Variants in RSRC1 observed in about 807,000 individuals in gnomAD.
RSRC1 encodes the protein serine/Arginine-related protein 53.
In RSRC1, 39 loss-of-function variants were observed where a neutral mutation model predicts 49.1. That is an observed-to-expected ratio of 0.79 (90% confidence interval 0.61 to 1.04). The LOEUF is 1.04. RSRC1 is among the 50% of genes least tolerant of loss of function. RSRC1 has a pLI of 0.00. For missense variants in RSRC1, 388 were observed against 402.4 expected (o/e 0.96, Z 0.31); for synonymous variants, 143 against 130.8 (o/e 1.09, Z -0.63).
intron 4 of RSRC1, among the ~76,000 whole-genome samples, chr3:158,257,172 C>T (rs191126636): frequency 1.7e-4 from 26 of 152,078 alleles, no homozygotes; most frequent in African/African-American, 4.8e-4. Context: ...GTTAGGGTGT[C>T]GATTTTAGAC....
chr3:158,147,211 G>A (rs1201796915), intron 3 of RSRC1, among the ~76,000 whole-genome samples: 1 of 138,088 alleles, frequency 7.2e-6, no homozygotes, highest in Non-Finnish European at 1.5e-5. Flanking sequence ...CCGCTAAAAG[G>A]AAATTTTCTT....
intron 5 of RSRC1, among the ~76,000 whole-genome samples, chr3:158,339,598 G>A (rs1730117897): frequency 6.6e-6 from 1 of 152,146 alleles, no homozygotes; most frequent in African/African-American, 2.4e-5. Flanking sequence ...TCCTTCCTAA[G>A]AGATAGATTT....
intron 3 of RSRC1, among the ~76,000 whole-genome samples, chr3:158,140,933 A>G (rs1333154836): frequency 6.6e-6 from 1 of 152,216 alleles, no homozygotes; most frequent in Non-Finnish European, 1.5e-5. Context: ...AGCTTGAGGA[A>G]TATTGACTAT....
In RSRC1 at chr3:158,265,487, C is replaced by T. The variant is rs536927035; in HGVS notation, c.495-32552C>T. Among the ~76,000 whole-genome samples, 18 of 152,024 alleles carry T rather than the reference C, an allele frequency of 1.2e-4. No homozygotes were observed. In the East Asian group the frequency reaches 1.9e-3, roughly 16 times the overall value. ...CTCTACTAAAAATACAAAAATTAGC[C>T]GGGCGTGGTAACGGACACCTGTAAT... On this transcript the variant is annotated intron_variant, in intron 4 of 9. Coordinates refer to ENST00000611884, the MANE Select transcript of RSRC1 (RefSeq NM_001271838.2).
At chr3:158,274,342 GTTTC>G (rs904300745) in intron 4 of RSRC1, among the ~76,000 whole-genome samples, 3 of 148,280 alleles carry the variant, frequency 2.0e-5, no homozygotes, top group Non-Finnish European at 4.5e-5. Context: ...GTACTGGAAT[GTTTC>G]TTTCTGATTT....
rs1715311631 is a variant in RSRC1 at position 158,122,310 on chromosome 3, A to G, written c.194+12A>G. The G allele has an allele frequency of 1.3e-6, 2 of 1,522,822 alleles. No individual in the cohort carries two copies. Among genetic ancestry groups the G allele is most frequent in the Non-Finnish European group, 1.8e-6 (2 of 1,130,224 alleles). 94.3% of individuals were successfully genotyped at this position (1,522,822 alleles called of 1,614,324 possible). On this transcript the variant is annotated intron_variant, in intron 2 of 9. Transcript: ENST00000611884. Reference sequence around the variant, plus strand: ...TCTTATGATAGAAGGTGATTTTTGTAATTTTTATTTATATAGTAATGAGGA... The same window carrying G: ...TCTTATGATAGAAGGTGATTTTTGTGATTTTTATTTATATAGTAATGAGGA...
At chr3:158,167,906 T>C (rs1298102221) in intron 3 of RSRC1, among the ~76,000 whole-genome samples, 1 of 152,098 alleles carries the variant, frequency 6.6e-6, no homozygotes, top group Non-Finnish European at 1.5e-5. Context: ...GTCAGGAACC[T>C]CTGGTTAGCC....
chr3:158,177,608 G>A (rs375626407), intron 3 of RSRC1, among the ~76,000 whole-genome samples: 37 of 151,830 alleles, frequency 2.4e-4, no homozygotes, highest in African/African-American at 8.5e-4. Context: ...ACTTGGACAC[G>A]GGGGCGGGGG....
At chr3:158,409,968 TTGATATAAG>T (rs1734365032) in intron 6 of RSRC1, among the ~76,000 whole-genome samples, 1 of 152,078 alleles carries the variant, frequency 6.6e-6, no homozygotes, top group Non-Finnish European at 1.5e-5. Flanking sequence ...CAATTGTCAT[TTGATATAAG>T]TGATAGCATT....
At chr3:158,157,340 A>G (rs571983375) in intron 3 of RSRC1, among the ~76,000 whole-genome samples, 65 of 152,166 alleles carry the variant, frequency 4.3e-4, no homozygotes, top group Non-Finnish European at 8.1e-4. Context: ...TTATTTCCTG[A>G]TGAGGAAACT....
intron 6 of RSRC1, among the ~76,000 whole-genome samples, chr3:158,417,229 C>T (rs1734787945): frequency 1.3e-5 from 2 of 152,052 alleles, no homozygotes; most frequent in South Asian, 2.1e-4. Context: ...GAATAGACAT[C>T]TGAGACCTCT....
At chr3:158,157,337 C>A (rs1321420461) in intron 3 of RSRC1, among the ~76,000 whole-genome samples, 1 of 152,088 alleles carries the variant, frequency 6.6e-6, no homozygotes, top group Middle Eastern at 3.2e-3. Context: ...TCATTATTTC[C>A]TGATGAGGAA....
At chr3:158,275,706 G>T in intron 4 of RSRC1, 2 of 392,960 alleles carry the variant, frequency 5.1e-6, no homozygotes, top group Non-Finnish European at 7.9e-6. Context: ...TGATATTCAT[G>T]AAATAATCTG....
At chr3:158,239,245 C>T (rs1723425607) in intron 4 of RSRC1, among the ~76,000 whole-genome samples, 1 of 150,926 alleles carries the variant, frequency 6.6e-6, no homozygotes, top group Non-Finnish European at 1.5e-5. Context: ...AAATAGAATG[C>T]TTTTACACTG....
In RSRC1 at chr3:158,116,528, A is replaced by T. The variant is rs191420307; in HGVS notation, c.-2-5575A>T. Among the ~76,000 whole-genome samples, 873 of 152,050 alleles carry T rather than the reference A, an allele frequency of 5.7e-3. 10 individuals carry two copies. Among genetic ancestry groups the T allele is most frequent in the South Asian group, 6.9e-3 (33 of 4,794 alleles). ...TTTATTGAGGACATTCTTAATTGAA[A>T]TTGCTTTTTTTTTTAAACTGTGACT... On this transcript the variant is annotated intron_variant, in intron 1 of 9. Coordinates refer to ENST00000611884, the MANE Select transcript of RSRC1 (RefSeq NM_001271838.2).
At chr3:158,241,636 A>T (rs1723586651) in intron 4 of RSRC1, among the ~76,000 whole-genome samples, 1 of 152,144 alleles carries the variant, frequency 6.6e-6, no homozygotes, top group South Asian at 2.1e-4. Flanking sequence ...CAAAGCAGTT[A>T]TGTAAACTAA....
intron 7 of RSRC1, among the ~76,000 whole-genome samples, chr3:158,464,900 A>G (rs1737801783): frequency 6.6e-6 from 1 of 152,140 alleles, no homozygotes; most frequent in South Asian, 2.1e-4. Flanking sequence ...CCGGGCAGTC[A>G]GACTCCAGTA....
intron 3 of RSRC1, among the ~76,000 whole-genome samples, chr3:158,193,099 CAGTT>C (rs1394340900): frequency 2.6e-5 from 4 of 151,952 alleles, no homozygotes; most frequent in South Asian, 2.1e-4. Flanking sequence ...TTTCACAACT[CAGTT>C]AGGTAATATT....
intron 5 of RSRC1, among the ~76,000 whole-genome samples, chr3:158,325,254 T>C (rs946078521): frequency 5.3e-5 from 8 of 152,242 alleles, no homozygotes; most frequent in African/African-American, 1.9e-4. Context: ...TTGTCAATTT[T>C]GGCTTCTGTT....
Sources: allele counts gnomAD v4.1 joint callset (sites outside exome capture counted in the v4.1 genomes callset), GRCh38; gene constraint gnomAD v4.1.1; transcripts MANE v1.5; gene names NCBI Gene and HGNC (gene_info 2026-07-23, HGNC 2026-07-21).